MYH11: variants seen among roughly 807,000 people sequenced by gnomAD.
The protein encoded by MYH11 is myosin-11.
In MYH11, 80 loss-of-function variants were observed where a neutral mutation model predicts 246.6. The observed-to-expected ratio is 0.32, with a 90% CI of 0.27 to 0.39. The LOEUF is 0.39. MYH11 is among the 10% of genes least tolerant of loss of function. The probability of loss-of-function intolerance (pLI) is 1.00; values close to 1 mark genes in which losing one functional copy is unlikely to be tolerated. For synonymous variants in MYH11, 1,071 were observed against 1,015.5 expected, an observed-to-expected ratio of 1.05 and a Z score of -1.04; for missense variants, 2,158 against 2,546.8, an observed-to-expected ratio of 0.85 and a Z score of 3.29.
At chr16:15,847,265 T>TC (rs2044215742) in intron 1 of MYH11, among the ~76,000 whole-genome samples, 7 of 116,134 alleles carry the variant, frequency 6.0e-5, no homozygotes, top group Non-Finnish European at 9.8e-5. Context: ...TTTTTTTTTT[T>TC]TCTGAGACAG....
At chr16:15,823,526 G>A (rs1378038579) in intron 2 of MYH11, 115 bp from the exon 3 acceptor site, 13 of 1,305,780 alleles carry the variant, frequency 1.0e-5, no homozygotes, top group South Asian at 7.1e-5. Flanking sequence ...GAGTCTTAGT[G>A]GAAACCCTGG....
intron 9 of MYH11, 72 bp downstream of exon 9, chr16:15,771,497 A>C: frequency 1.9e-6 from 3 of 1,546,504 alleles, no homozygotes; most frequent in Non-Finnish European, 2.7e-6. Context: ...TGTCCTGACC[A>C]GAGAAGAGTT....
chr16:15,783,693 T>G (rs2042405785), intron 5 of MYH11, among the ~76,000 whole-genome samples: 1 of 152,168 alleles, frequency 6.6e-6, no homozygotes, highest in African/African-American at 2.4e-5. Context: ...GGGGTCTCCA[T>G]GCTCTCTGAA....
At chr16:15,711,942 G>A (rs757130346) in intron 40 of MYH11, among the ~76,000 whole-genome samples, 1 of 152,144 alleles carries the variant, frequency 6.6e-6, no homozygotes, top group Non-Finnish European at 1.5e-5. Flanking sequence ...ATCAGCCTGC[G>A]TTGGCCTCCC....
intron 9 of MYH11, among the ~76,000 whole-genome samples, chr16:15,764,566 C>CAT: frequency 6.6e-6 from 1 of 152,160 alleles, no homozygotes; most frequent in South Asian, 2.1e-4. Context: ...TGTCTAAGTC[C>CAT]ATATATAGAC....
At chr16:15,835,748 T>G (rs1043249441) in intron 2 of MYH11, among the ~76,000 whole-genome samples, 1 of 52,474 alleles carries the variant, frequency 1.9e-5, no homozygotes, top group East Asian at 1.2e-3. Context: ...CTGGTACTAT[T>G]TTTTTTTTTT....
intron 4 of MYH11, among the ~76,000 whole-genome samples, chr16:15,790,429 C>T (rs567240735): frequency 2.2e-4 from 33 of 152,202 alleles, no homozygotes; most frequent in Middle Eastern, 3.4e-3. Context: ...AAACTCTGGG[C>T]ATCTACCCCT....
chr16:15,856,095 A>T (rs2044460555), intron 1 of MYH11, among the ~76,000 whole-genome samples: 1 of 152,182 alleles, frequency 6.6e-6, no homozygotes, highest in Non-Finnish European at 1.5e-5. Context: ...GCATTGACAC[A>T]GGTGGCTCTG....
intron 32 of MYH11, 31 bp from the exon 33 acceptor site, chr16:15,721,082 G>C: frequency 1.2e-6 from 2 of 1,610,000 alleles, no homozygotes; most frequent in Middle Eastern, 1.7e-4. Flanking sequence ...CCCATTCTAT[G>C]AGGCTCAACT....
intron 10 of MYH11, among the ~76,000 whole-genome samples, chr16:15,761,717 C>G (rs1041872136): frequency 2.6e-5 from 4 of 151,810 alleles, no homozygotes; most frequent in Admixed American, 1.3e-4. Context: ...TTTTTTTTTC[C>G]CCATCTCTTG....
At chr16:15,736,154 C>A (rs1346403824) in intron 25 of MYH11, among the ~76,000 whole-genome samples, 1 of 152,154 alleles carries the variant, frequency 6.6e-6, no homozygotes, top group African/African-American at 2.4e-5. Context: ...TGTGAAAGGG[C>A]AGCAACAAGA....
intron 3 of MYH11, among the ~76,000 whole-genome samples, 185 bp from the exon 4 acceptor site, chr16:15,798,872 C>G (rs1284699286): frequency 6.6e-6 from 1 of 152,178 alleles, no homozygotes; most frequent in African/African-American, 2.4e-5. Flanking sequence ...GCCAAAAGGG[C>G]AGCCCCAAAG....
chr16:15,718,194 C>T (rs963723051), intron 37 of MYH11, 121 bp downstream of exon 37: 1 of 1,522,280 alleles, frequency 6.6e-7, no homozygotes, highest in South Asian at 1.1e-5. Flanking sequence ...CCCCACCACC[C>T]TCTTGTCCCT....
chr16:15,709,758 C>T (rs1441593212), intron 40 of MYH11, among the ~76,000 whole-genome samples: 2 of 152,148 alleles, frequency 1.3e-5, no homozygotes, highest in Non-Finnish European at 2.9e-5. Context: ...GAACAGAAGC[C>T]AAGAAGTCCC....
chr16:15,745,680 G>A (rs186167848), intron 19 of MYH11, among the ~76,000 whole-genome samples: 18 of 146,642 alleles, frequency 1.2e-4, no homozygotes, highest in Admixed American at 2.8e-4. Context: ...CTCCACCTCC[G>A]GGGTTCAAGT....
intron 3 of MYH11, among the ~76,000 whole-genome samples, chr16:15,808,541 T>G (rs1362660352): frequency 1.3e-5 from 2 of 152,188 alleles, no homozygotes; most frequent in African/African-American, 4.8e-5. Context: ...AGAGATACTT[T>G]GAGAGCCTTT....
chr16:15,740,610 CA>C (rs576634565), intron 22 of MYH11, among the ~76,000 whole-genome samples: 4,373 of 110,340 alleles, frequency 0.04, 76 homozygotes, highest in Non-Finnish European at 0.06. Flanking sequence ...GACTCTGTCT[CA>C]AAAAAAAAAA....
At chr16:15,839,959 G>A (rs1453089135) in intron 1 of MYH11, among the ~76,000 whole-genome samples, 1 of 152,128 alleles carries the variant, frequency 6.6e-6, no homozygotes, top group East Asian at 1.9e-4. Flanking sequence ...GCTGAGGCAG[G>A]AGAATCACTT....
intron 15 of MYH11, among the ~76,000 whole-genome samples, chr16:15,753,035 A>G (rs895658110): frequency 2.0e-5 from 3 of 152,172 alleles, no homozygotes; most frequent in Non-Finnish European, 2.9e-5. Flanking sequence ...AATGACATCA[A>G]GTGACTCATC....
Sources: gnomAD v4.1 joint callset for allele counts (sites outside exome capture counted in the v4.1 genomes callset) on GRCh38, gnomAD v4.1.1 for gene constraint, MANE v1.5 for transcripts, NCBI Gene and HGNC (gene_info 2026-07-23, HGNC 2026-07-21) for gene names.